Variants in GLIS3 observed in about 807,000 individuals in gnomAD.
The protein encoded by GLIS3 is zinc finger protein GLIS3.
Under a neutral mutation model 78.6 loss-of-function variants are expected in GLIS3, and 53 were observed. That is an observed-to-expected ratio of 0.67 (90% confidence interval 0.54 to 0.85). The LOEUF is 0.85. GLIS3 is among the 40% of genes least tolerant of loss of function. The pLI, the probability that GLIS3 is intolerant of heterozygous loss-of-function variation, is 0.00. For missense variants in GLIS3, 1,703 were observed against 1,231.1 expected (o/e 1.38, Z -5.74); for synonymous variants, 684 against 509.9 (o/e 1.34, Z -4.60).
chr9:4,144,665 G>C lies in GLIS3; in HGVS notation c.389-18724C>G, dbSNP rs183906893. 7.8e-3 allele frequency among the ~76,000 whole-genome samples: 1,195 copies of C among 152,250 alleles called. 14 individuals carry two copies. The highest frequency in any genetic ancestry group is 0.013 in the South Asian group (61 of 4,814). ...TCAAAGGTCTCTAGATGGAAAAAGA[G>C]AAACAAAATCAACCATGAGTAGGGG... is the stretch of plus-strand genomic sequence containing the variant. On this transcript the variant is annotated intron_variant, in intron 2 of 10. Transcript: ENST00000381971.
intron 4 of GLIS3, among the ~76,000 whole-genome samples, chr9:4,107,096 T>A (rs1324093189): frequency 6.6e-6 from 1 of 152,022 alleles, no homozygotes; most frequent in African/African-American, 2.4e-5. Context: ...AGAAAAAAAA[T>A]AAATGGTCTT....
At chr9:4,097,787 A>G (rs990159401) in intron 4 of GLIS3, among the ~76,000 whole-genome samples, 1 of 152,208 alleles carries the variant, frequency 6.6e-6, no homozygotes, top group Non-Finnish European at 1.5e-5. Flanking sequence ...TCATATCCTA[A>G]GAACCCCAAA....
the GLIS3 span, among the ~76,000 whole-genome samples, chr9:4,404,082 T>A: frequency 1.1e-4 from 16 of 152,200 alleles, no homozygotes; most frequent in African/African-American, 3.1e-4. Flanking sequence ...GCTATACTTA[T>A]GAGAAAAAAT....
chr9:3,988,273 A>G (rs186720899), intron 4 of GLIS3, among the ~76,000 whole-genome samples: 110 of 152,338 alleles, frequency 7.2e-4, no homozygotes, highest in African/African-American at 2.5e-3. Context: ...TTAATGACTG[A>G]CTAAAGAAAG....
chr9:3,950,242 A>T (rs1042178076), intron 4 of GLIS3, among the ~76,000 whole-genome samples: 1 of 152,092 alleles, frequency 6.6e-6, no homozygotes, highest in African/African-American at 2.4e-5. Flanking sequence ...GTGATCTCCT[A>T]ATAGGTCTCC....
At chr9:4,085,132 C>G (rs1230983183) in intron 4 of GLIS3, among the ~76,000 whole-genome samples, 3 of 152,120 alleles carry the variant, frequency 2.0e-5, no homozygotes, top group Admixed American at 6.5e-5. Context: ...TCAATCTTGA[C>G]TTGACTTCAG....
chr9:4,140,236 AT>A (rs1337606560), intron 2 of GLIS3, among the ~76,000 whole-genome samples: 1 of 152,030 alleles, frequency 6.6e-6, no homozygotes, highest in Admixed American at 6.5e-5. Context: ...AGGTGGGAAA[AT>A]TGCTTGAACC....
intron 4 of GLIS3, among the ~76,000 whole-genome samples, chr9:4,090,025 C>T (rs1374005751): frequency 6.6e-6 from 1 of 152,158 alleles, no homozygotes; most frequent in East Asian, 1.9e-4. Context: ...TCCCTTCTGC[C>T]CTGTGTCAGT....
chr9:4,231,467 T>C (rs1398114642), intron 2 of GLIS3, among the ~76,000 whole-genome samples: 1 of 152,106 alleles, frequency 6.6e-6, no homozygotes, highest in African/African-American at 2.4e-5. Flanking sequence ...AAAAAAATTA[T>C]GAAGATACAA....
At chr9:3,917,749 A>G (rs1209597222) in intron 6 of GLIS3, among the ~76,000 whole-genome samples, 1 of 152,088 alleles carries the variant, frequency 6.6e-6, no homozygotes, top group African/African-American at 2.4e-5. Flanking sequence ...TTTCAACCCC[A>G]TATTCCTATT....
chr9:3,833,976 T>C (rs1818199441), intron 9 of GLIS3, among the ~76,000 whole-genome samples: 1 of 152,144 alleles, frequency 6.6e-6, no homozygotes, highest in Admixed American at 6.6e-5. Context: ...AACTAGAAAA[T>C]GCAGACTAGT....
At chr9:4,258,699 G>C (rs1048827911) in intron 2 of GLIS3, among the ~76,000 whole-genome samples, 4 of 152,162 alleles carry the variant, frequency 2.6e-5, no homozygotes, top group African/African-American at 7.2e-5. Flanking sequence ...TTGAGTGGCA[G>C]AACTGGGGGT....
the GLIS3 span, among the ~76,000 whole-genome samples, chr9:4,448,408 C>T: frequency 1.3e-5 from 2 of 152,214 alleles, no homozygotes; most frequent in African/African-American, 2.4e-5. Context: ...TCAACAGCTC[C>T]AGTATCTCCT....
At chr9:4,319,777 C>G (rs1817495237) in intron 2 of GLIS3, among the ~76,000 whole-genome samples, 1 of 152,094 alleles carries the variant, frequency 6.6e-6, no homozygotes, top group Non-Finnish European at 1.5e-5. Flanking sequence ...TATCCTCCCA[C>G]CTCAGTCTCC....
At chr9:3,937,675 T>C (rs1021831116) in intron 4 of GLIS3, among the ~76,000 whole-genome samples, 1 of 152,142 alleles carries the variant, frequency 6.6e-6, no homozygotes, top group Non-Finnish European at 1.5e-5. Context: ...GAAAAAGACA[T>C]GTGTCCACTA....
At chr9:4,437,892 A>G in the GLIS3 span, among the ~76,000 whole-genome samples, 3 of 152,210 alleles carry the variant, frequency 2.0e-5, no homozygotes, top group African/African-American at 7.2e-5. Flanking sequence ...ATTGAAGGAT[A>G]CAGCATATAA....
At chr9:4,332,175 A>T (rs1468899886) in intron 2 of GLIS3, among the ~76,000 whole-genome samples, 1 of 152,208 alleles carries the variant, frequency 6.6e-6, no homozygotes, top group African/African-American at 2.4e-5. Flanking sequence ...TGAAGTGGAA[A>T]TCCCAAAATA....
the GLIS3 span, among the ~76,000 whole-genome samples, chr9:4,463,703 A>C: frequency 6.6e-6 from 1 of 152,220 alleles, no homozygotes; most frequent in African/African-American, 2.4e-5. Context: ...AAAATGTTCC[A>C]GGTCAAAGAT....
intron 4 of GLIS3, among the ~76,000 whole-genome samples, chr9:4,096,450 T>C (rs1829955214): frequency 6.6e-6 from 1 of 152,240 alleles, no homozygotes; most frequent in Non-Finnish European, 1.5e-5. Flanking sequence ...AAGTTCTCAA[T>C]GACCCTTTCT....
Sources: gnomAD v4.1 joint callset for allele counts (sites outside exome capture counted in the v4.1 genomes callset) on GRCh38, gnomAD v4.1.1 for gene constraint, MANE v1.5 for transcripts, NCBI Gene and HGNC (gene_info 2026-07-23, HGNC 2026-07-21) for gene names.